Variants in FBXL13 observed in about 807,000 individuals in gnomAD.
FBXL13 encodes the protein F-box and leucine rich repeat protein 13, also known as F-box and leucine-rich repeat protein 13.
A neutral mutation model predicts 83.6 loss-of-function variants in FBXL13; 67 were observed. The observed-to-expected ratio is 0.80, with a 90% CI of 0.66 to 0.98. The LOEUF (loss-of-function observed/expected upper bound fraction) is 0.98, where lower values mean the gene tolerates loss of function less well. FBXL13 is among the 50% of genes least tolerant of loss of function. The probability of loss-of-function intolerance (pLI) is 0.00; values close to 1 mark genes in which losing one functional copy is unlikely to be tolerated. For synonymous variants in FBXL13, 272 were observed against 299.5 expected (o/e 0.91, Z 0.95); for missense variants, 822 against 866.5 (o/e 0.95, Z 0.64).
At chr7:102,828,244 C>T (rs942649988) in intron 18 of FBXL13, among the ~76,000 whole-genome samples, 5 of 152,060 alleles carry the variant, frequency 3.3e-5, no homozygotes, top group African/African-American at 4.8e-5. Flanking sequence ...TTGTTTGTAT[C>T]CTCTTTTATT....
chr7:102,866,533 A>G (rs1807682807), intron 16 of FBXL13, among the ~76,000 whole-genome samples: 1 of 152,210 alleles, frequency 6.6e-6, no homozygotes, highest in Admixed American at 6.5e-5. Context: ...TTGTCTCTGA[A>G]CTACCGTGCT....
intron 11 of FBXL13, among the ~76,000 whole-genome samples, chr7:102,893,912 GAAA>G: frequency 6.8e-6 from 1 of 146,170 alleles, no homozygotes; most frequent in African/African-American, 2.5e-5. Context: ...GGAGGGAGGG[GAAA>G]GAAAGAGAGA....
At chr7:103,010,216 A>G (rs1467531625) in intron 6 of FBXL13, among the ~76,000 whole-genome samples, 2 of 151,838 alleles carry the variant, frequency 1.3e-5, no homozygotes, top group Admixed American at 6.6e-5. Context: ...ACTGGTAAAC[A>G]GGCAGACAAT....
chr7:102,894,885 C>G (rs1162451961), intron 11 of FBXL13, among the ~76,000 whole-genome samples: 1 of 152,214 alleles, frequency 6.6e-6, no homozygotes, highest in African/African-American at 2.4e-5. Context: ...AAGTTACCAA[C>G]TTCCCACTAC....
intron 18 of FBXL13, among the ~76,000 whole-genome samples, chr7:102,831,514 C>A (rs1800697863): frequency 6.6e-6 from 1 of 151,916 alleles, no homozygotes; most frequent in South Asian, 2.1e-4. Context: ...AATCTCCAGG[C>A]TTCTGTTTGG....
chr7:103,045,997 G>T (rs762438759), intron 2 of FBXL13, among the ~76,000 whole-genome samples: 1 of 152,174 alleles, frequency 6.6e-6, no homozygotes, highest in Non-Finnish European at 1.5e-5. Context: ...TAAAACCTTC[G>T]AGAGAATACA....
intron 16 of FBXL13, among the ~76,000 whole-genome samples, chr7:102,867,691 ATATATTTTTTT>A (rs1392211275): frequency 1.4e-5 from 1 of 71,620 alleles, no homozygotes; most frequent in East Asian, 4.5e-4. Context: ...ATATATATAT[ATATATTTTTTT>A]TTTTTTTTTT....
At chr7:103,045,351 A>AG (rs1796166269) in intron 2 of FBXL13, among the ~76,000 whole-genome samples, 1 of 152,242 alleles carries the variant, frequency 6.6e-6, no homozygotes, top group South Asian at 2.1e-4. Flanking sequence ...ACTCAAATAT[A>AG]GAAACAGGGA....
chr7:102,944,530 G>A lies in FBXL13; in HGVS notation c.725-12597C>T, dbSNP rs1217265934. On this transcript the variant is annotated intron_variant, in intron 8 of 19. Transcript: ENST00000313221. The stretch of plus-strand genomic sequence containing the variant: ...TCCTGAGTCATTTGACCAAGACACA[G>A]AAGATGATGAATGGGAAAAAAAACA... 1 of 1,613,814 alleles carries A rather than the reference G, an allele frequency of 6.2e-7. No individual in the cohort carries two copies. Among genetic ancestry groups the A allele is most frequent in the Non-Finnish European group, 8.5e-7 (1 of 1,179,908 alleles).
At chr7:103,053,863 G>T (rs1259305350) in intron 2 of FBXL13, among the ~76,000 whole-genome samples, 1 of 152,156 alleles carries the variant, frequency 6.6e-6, no homozygotes, top group East Asian at 1.9e-4. Flanking sequence ...CATGGGTTCT[G>T]CCCAGTGTAC....
At chr7:102,913,117 A>C in exon 11 of FBXL13, 2 of 1,614,174 alleles carry the variant, frequency 1.2e-6, no homozygotes, top group Admixed American at 3.3e-5. Context: ...CAGATAGATG[A>C]GCTTGTGGCA....
chr7:102,962,660 T>C (rs1470578853), intron 8 of FBXL13, among the ~76,000 whole-genome samples: 1 of 151,874 alleles, frequency 6.6e-6, no homozygotes, highest in African/African-American at 2.4e-5. Flanking sequence ...CCATAAAAAA[T>C]GATGAGTTCA....
At chr7:102,949,649 G>A (rs1823104813) in intron 8 of FBXL13, among the ~76,000 whole-genome samples, 1 of 152,284 alleles carries the variant, frequency 6.6e-6, no homozygotes, top group Middle Eastern at 3.4e-3. Flanking sequence ...AGTTGTTTCT[G>A]TGATGAAGAC....
intron 11 of FBXL13, among the ~76,000 whole-genome samples, chr7:102,902,861 C>A (rs934791229): frequency 2.0e-5 from 3 of 151,952 alleles, no homozygotes; most frequent in Non-Finnish European, 4.4e-5. Context: ...TAATGTGATT[C>A]TTCTAGTTTT....
intron 8 of FBXL13, among the ~76,000 whole-genome samples, chr7:102,958,928 A>T (rs767000513): frequency 3.3e-5 from 5 of 152,114 alleles, no homozygotes; most frequent in Non-Finnish European, 7.4e-5. Context: ...TATTAATATT[A>T]ACATTATTTT....
intron 18 of FBXL13, among the ~76,000 whole-genome samples, chr7:102,823,107 G>C (rs941663312): frequency 2.0e-5 from 3 of 152,030 alleles, no homozygotes; most frequent in African/African-American, 7.2e-5. Flanking sequence ...TGATTTTGCT[G>C]TTATTTTCAT....
At chr7:102,958,567 T>TAAAAAAA (rs1269204807) in intron 8 of FBXL13, among the ~76,000 whole-genome samples, 15 of 123,622 alleles carry the variant, frequency 1.2e-4, no homozygotes, top group African/African-American at 4.4e-4. Flanking sequence ...ATAATAATAA[T>TAAAAAAA]AAAACAGAGA....
At chr7:103,061,183 T>TG (rs1329079160) in intron 1 of FBXL13, among the ~76,000 whole-genome samples, 5 of 151,940 alleles carry the variant, frequency 3.3e-5, no homozygotes, top group African/African-American at 1.2e-4. Flanking sequence ...GGGTTTTTTT[T>TG]TTTTGTTTTT....
At chr7:102,819,147 G>T (rs1306379387) in intron 19 of FBXL13, among the ~76,000 whole-genome samples, 1 of 152,060 alleles carries the variant, frequency 6.6e-6, no homozygotes, top group African/African-American at 2.4e-5. Flanking sequence ...GGTTGTGGGG[G>T]CCATTGTGAG....
Sources: gnomAD v4.1 joint callset for allele counts (sites outside exome capture counted in the v4.1 genomes callset) on GRCh38, gnomAD v4.1.1 for gene constraint, MANE v1.5 for transcripts, NCBI Gene and HGNC (gene_info 2026-07-23, HGNC 2026-07-21) for gene names.